Variants in AUTS2 observed in about 807,000 individuals in gnomAD.
The protein encoded by AUTS2 is activator of transcription and developmental regulator AUTS2.
AUTS2 carries 17 observed loss-of-function variants against 112.4 expected under a neutral mutation model. The observed-to-expected ratio is 0.15, with a 90% CI of 0.10 to 0.23. The LOEUF (loss-of-function observed/expected upper bound fraction) is 0.23. Among genes scored for constraint, AUTS2 ranks in the 10% least tolerant of loss-of-function variants. The pLI is 1.00. For synonymous variants in AUTS2, 751 were observed against 702.7 expected (o/e 1.07, Z -1.09); for missense variants, 1,510 against 1,701.6 (o/e 0.89, Z 1.98).
intron 5 of AUTS2, among the ~76,000 whole-genome samples, chr7:70,529,839 A>G (rs1800006572): frequency 6.6e-6 from 1 of 152,250 alleles, no homozygotes; most frequent in African/African-American, 2.4e-5. Flanking sequence ...CAGGAATAGT[A>G]TCCAGAAGCT....
At chr7:70,780,288 A>G (rs1380189422) in intron 14 of AUTS2, among the ~76,000 whole-genome samples, 1 of 152,184 alleles carries the variant, frequency 6.6e-6, no homozygotes, top group Non-Finnish European at 1.5e-5. Context: ...CCAGGGGAAA[A>G]GATTGAGAGG....
chr7:70,519,397 T>A (rs917685792), intron 5 of AUTS2, among the ~76,000 whole-genome samples: 2 of 152,222 alleles, frequency 1.3e-5, no homozygotes, highest in Non-Finnish European at 2.9e-5. Context: ...TTTAAAAATG[T>A]ATTGGATGGA....
intron 4 of AUTS2, among the ~76,000 whole-genome samples, chr7:70,186,717 C>T (rs988602483): frequency 2.0e-5 from 3 of 151,988 alleles, no homozygotes; most frequent in Non-Finnish European, 2.9e-5. Context: ...TACAGGCGCC[C>T]GCCACCATGT....
chr7:69,894,264 TTTTTTTTTTTTTTTA>T (rs200874460), intron 1 of AUTS2, among the ~76,000 whole-genome samples: 13,993 of 144,750 alleles, frequency 0.097, 872 homozygotes, highest in Admixed American at 0.12. Flanking sequence ...TTTTTTTTTT[TTTTTTTTTTTTTTTA>T]ACAGATTTCT....
At chr7:70,506,627 C>T (rs956602149) in intron 5 of AUTS2, among the ~76,000 whole-genome samples, 7 of 152,100 alleles carry the variant, frequency 4.6e-5, no homozygotes, top group African/African-American at 9.7e-5. Flanking sequence ...ACACGTGCTC[C>T]GCGCCCAGCG....
At position 70,790,023 on chromosome 7, in the gene AUTS2, T is replaced by C. The variant is rs1471720771; in HGVS notation, c.2807T>C (p.Leu936Pro). 1.5e-5 allele frequency: 24 copies of C among 1,588,508 alleles called. No individual in the cohort carries two copies. The highest frequency in any genetic ancestry group is 1.7e-4 in the Middle Eastern group (1 of 6,042). Residue 936 changes from leucine to proline, a missense_variant, in exon 19 of 19, where the codon CTG becomes CCG. Around this residue, in one of 3 missense-constraint regions of AUTS2, gnomAD observed 788 missense variants for 797.6 expected, o/e 0.99. Coordinates refer to ENST00000342771, the MANE Select transcript of AUTS2 (RefSeq NM_015570.4). This position sits in a 1 kb window ranked among gnomAD's most constrained non-coding sequence, Gnocchi z 7.6. ...GRAAGEEAKQ[L>P]ARVPSPYVRT... is the part of the protein sequence containing the mutation. Reference sequence around the variant, plus strand: ...GCCGCGGGCGAAGAGGCCAAGCAGCTGGCCCGGGTGCCGTCTCCCTACGTG... The same window carrying C: ...GCCGCGGGCGAAGAGGCCAAGCAGCCGGCCCGGGTGCCGTCTCCCTACGTG...
rs1790743264 is a variant in AUTS2 at position 70,776,975 on chromosome 7, A to C, written c.1933-128A>C. The C allele has an allele frequency of 3.7e-6, 3 of 800,452 alleles. No homozygotes were observed. The East Asian group carries it at 7.8e-5, about 21-fold the overall frequency. The allele number at this position is 800,452 out of a possible 1,614,324, so 49.6% of individuals were successfully genotyped here. ...AGCTACTGATGGAAGGCACTTGGAG[A>C]GTACAAAGCACTCTTGTTTCACGAA... On this transcript the variant is annotated intron_variant, in intron 13 of 18. Coordinates refer to ENST00000342771, the MANE Select transcript of AUTS2 (RefSeq NM_015570.4).
intron 1 of AUTS2, among the ~76,000 whole-genome samples, chr7:69,608,296 C>T (rs1792840335): frequency 2.6e-5 from 4 of 152,152 alleles, no homozygotes; most frequent in Admixed American, 2.6e-4. Flanking sequence ...TTAGTCATTG[C>T]CAGGGACAAG....
intron 1 of AUTS2, among the ~76,000 whole-genome samples, chr7:69,869,056 G>A (rs916502515): frequency 1.3e-5 from 2 of 152,188 alleles, no homozygotes; most frequent in Admixed American, 6.5e-5. Flanking sequence ...ATCAGCCACC[G>A]TTGACCTGTG....
chr7:70,360,931 G>A (rs552931917), intron 4 of AUTS2, among the ~76,000 whole-genome samples: 1 of 152,236 alleles, frequency 6.6e-6, no homozygotes, highest in East Asian at 1.9e-4. Context: ...CTCTCTATAA[G>A]CCCTACCAGC....
intron 2 of AUTS2, among the ~76,000 whole-genome samples, chr7:69,970,266 CT>C (rs1453933698): frequency 1.3e-5 from 2 of 152,068 alleles, no homozygotes; most frequent in Non-Finnish European, 2.9e-5. Flanking sequence ...GAGCAATTTC[CT>C]TTTTGGTGTG....
chr7:70,666,324 A>G (rs930397358), intron 5 of AUTS2, among the ~76,000 whole-genome samples: 2 of 152,210 alleles, frequency 1.3e-5, no homozygotes, highest in African/African-American at 4.8e-5. Flanking sequence ...GGTATTTGCT[A>G]TTTTTATACA....
At position 70,748,663 on chromosome 7, in the gene AUTS2, G is replaced by A. The variant is rs555143257; in HGVS notation, c.743-14207G>A. 2.0e-5 allele frequency among the ~76,000 whole-genome samples: 3 copies of A among 152,310 alleles called. No homozygotes were observed. In the East Asian group the frequency reaches 5.8e-4, roughly 29 times the overall value. ...TGGAAAAGTGAAGGAGGATAAAGAA[G>A]CAGTGTTCTTCTGAGGGTGCTACCA... is the stretch of plus-strand genomic sequence containing the variant. On this transcript the variant is annotated intron_variant, in intron 6 of 18. Transcript: ENST00000342771.
intron 4 of AUTS2, among the ~76,000 whole-genome samples, chr7:70,241,887 G>C (rs1432741939): frequency 1.3e-5 from 2 of 152,192 alleles, no homozygotes; most frequent in African/African-American, 4.8e-5. Flanking sequence ...TGAGAGGCCT[G>C]AGTTGCTTGA....
At chr7:70,303,423 CGCGCGCGCGCGCACAT>C (rs1056594357) in intron 4 of AUTS2, among the ~76,000 whole-genome samples, 8 of 123,124 alleles carry the variant, frequency 6.5e-5, no homozygotes, top group African/African-American at 2.4e-4. Flanking sequence ...CACACACACA[CGCGCGCGCGCGCACAT>C]ACACACACAC....
intron 4 of AUTS2, among the ~76,000 whole-genome samples, chr7:70,171,121 TG>T (rs1319517181): frequency 6.6e-6 from 1 of 152,230 alleles, no homozygotes; most frequent in Non-Finnish European, 1.5e-5. Context: ...TTACACTGTA[TG>T]GCTAAACTGA....
chr7:69,660,716 A>G (rs1334215369), intron 1 of AUTS2, among the ~76,000 whole-genome samples: 1 of 152,156 alleles, frequency 6.6e-6, no homozygotes, highest in Non-Finnish European at 1.5e-5. Flanking sequence ...GCAGATCACG[A>G]GGTCAGGAGA....
rs529614238 is a variant in AUTS2 at position 70,004,644 on chromosome 7, T to G, written c.522+105146T>G. Among the ~76,000 whole-genome samples, 7 of 151,278 alleles carry G rather than the reference T, an allele frequency of 4.6e-5. No homozygotes were observed. In the Admixed American group the frequency reaches 4.6e-4, roughly 10 times the overall value. Reference sequence around the variant, plus strand: ...AACTGGGAATGAGAATCATTGAGTTTTGGCCGACTTAGAGGCAGAGTGTTT... The same window carrying G: ...AACTGGGAATGAGAATCATTGAGTTGTGGCCGACTTAGAGGCAGAGTGTTT... On this transcript the variant is annotated intron_variant, in intron 2 of 18. Coordinates refer to ENST00000342771, the MANE Select transcript of AUTS2 (RefSeq NM_015570.4).
chr7:69,901,107 A>G (rs189679341), intron 2 of AUTS2, among the ~76,000 whole-genome samples: 1 of 152,188 alleles, frequency 6.6e-6, no homozygotes, highest in Admixed American at 6.5e-5. Context: ...ATTTAGATGA[A>G]GTTTTATTTA....
Sources: gnomAD v4.1 joint callset for allele counts (sites outside exome capture counted in the v4.1 genomes callset) on GRCh38, gnomAD v4.1.1 for gene constraint, gnomAD v4.1.1 regional missense constraint, Gnocchi (gnomAD v3.1) non-coding constraint, MANE v1.5 for transcripts, NCBI Gene and HGNC (gene_info 2026-07-23, HGNC 2026-07-21) for gene names.